The following ERBB4 variants were observed in gnomAD, a reference collection of about 807,000 sequenced individuals.
ERBB4 encodes the protein receptor tyrosine-protein kinase erbB-4.
In ERBB4, 42 loss-of-function variants were observed where a neutral mutation model predicts 158.0. The ratio of observed to expected loss-of-function variants is 0.27; its 90% CI spans 0.21 to 0.34. ERBB4 has a LOEUF of 0.34. Ranked by LOEUF, ERBB4 falls within the 10% of genes least tolerant of loss-of-function variation. The probability of loss-of-function intolerance (pLI) is 1.00; values close to 1 mark genes in which losing one functional copy is unlikely to be tolerated. For synonymous variants in ERBB4, 583 were observed against 558.7 expected, an observed-to-expected ratio of 1.04 and a Z score of -0.61; for missense variants, 1,333 against 1,624.1, an observed-to-expected ratio of 0.82 and a Z score of 3.08.
chr2:212,160,645 T>A (rs954932920), intron 1 of ERBB4, among the ~76,000 whole-genome samples: 34 of 152,044 alleles, frequency 2.2e-4, no homozygotes, highest in African/African-American at 8.0e-4. Context: ...AAGAGGGATG[T>A]GCATCCAATG....
intron 3 of ERBB4, among the ~76,000 whole-genome samples, chr2:211,798,691 A>C (rs899269477): frequency 6.6e-6 from 1 of 152,182 alleles, no homozygotes; most frequent in Non-Finnish European, 1.5e-5. Context: ...AATGATGACC[A>C]AATGAAAACC....
chr2:211,713,337 T>C (rs2073775700), intron 8 of ERBB4, among the ~76,000 whole-genome samples, 198 bp downstream of exon 8: 1 of 152,140 alleles, frequency 6.6e-6, no homozygotes, highest in Non-Finnish European at 1.5e-5. Context: ...GCCATTTTAG[T>C]AGATAAAATT....
chr2:212,373,187 G>T (rs1308737882), intron 1 of ERBB4, among the ~76,000 whole-genome samples: 2 of 152,010 alleles, frequency 1.3e-5, no homozygotes, highest in African/African-American at 4.8e-5. Context: ...ATTAAAATAA[G>T]CCCAAGAAAG....
At chr2:211,808,462 C>G (rs932231047) in intron 3 of ERBB4, among the ~76,000 whole-genome samples, 4 of 151,956 alleles carry the variant, frequency 2.6e-5, no homozygotes, top group African/African-American at 9.7e-5. Flanking sequence ...ATTTCTGAGG[C>G]CTCTGTTCTG....
intron 3 of ERBB4, among the ~76,000 whole-genome samples, chr2:211,944,156 T>TATGTACACTATAC (rs2080590609): frequency 8.2e-6 from 1 of 122,382 alleles, no homozygotes; most frequent in African/African-American, 3.1e-5. Flanking sequence ...ATACACTATA[T>TATGTACACTATAC]ATATACACTA....
intron 20 of ERBB4, among the ~76,000 whole-genome samples, chr2:211,536,260 AC>A (rs763031112): frequency 4.1e-4 from 63 of 152,228 alleles, no homozygotes; most frequent in Admixed American, 1.2e-3. Context: ...GAAATTACAC[AC>A]CTTCCACACC....
chr2:212,248,506 G>C (rs1395442221), intron 1 of ERBB4, among the ~76,000 whole-genome samples: 1 of 152,090 alleles, frequency 6.6e-6, no homozygotes, highest in Non-Finnish European at 1.5e-5. Context: ...TGCTGTATAT[G>C]ATTCTTAACT....
At chr2:211,510,240 T>C (rs943329515) in intron 20 of ERBB4, among the ~76,000 whole-genome samples, 1 of 152,138 alleles carries the variant, frequency 6.6e-6, no homozygotes, top group Admixed American at 6.5e-5. Context: ...ATGTTCTCAC[T>C]TATAAGTGGC....
At chr2:211,880,345 G>C (rs530986631) in intron 3 of ERBB4, among the ~76,000 whole-genome samples, 12 of 152,250 alleles carry the variant, frequency 7.9e-5, no homozygotes, top group Non-Finnish European at 1.8e-4. Flanking sequence ...TTATAGTAAT[G>C]TGTGTATATA....
rs1026194301 is a variant in ERBB4, at chr2:211,573,338, T to C, written c.2302-11250A>G. On this transcript the variant is annotated intron_variant, in intron 19 of 27. Coordinates refer to ENST00000342788, the MANE Select transcript of ERBB4 (RefSeq NM_005235.3). ...TCTAGCCCCCAGAACTGTGATATAA[T>C]ATATTTCTGTTATTGTAAGTCACCA... 3.0e-4 allele frequency among the ~76,000 whole-genome samples: 46 copies of C among 152,254 alleles called. 1 individual carries two copies. The highest frequency in any genetic ancestry group is 1.1e-3 in the African/African-American group (45 of 41,564).
chr2:212,387,287 T>G (rs958787082), intron 1 of ERBB4, among the ~76,000 whole-genome samples: 4 of 152,092 alleles, frequency 2.6e-5, no homozygotes, highest in Admixed American at 2.6e-4. Context: ...ATATCAAGCA[T>G]AGTTTTAAAG....
intron 2 of ERBB4, among the ~76,000 whole-genome samples, chr2:212,041,959 G>A (rs747522287): frequency 9.9e-5 from 15 of 151,992 alleles, no homozygotes; most frequent in South Asian, 2.1e-4. Flanking sequence ...TTATAATACC[G>A]TATAATTAGC....
chr2:212,328,034 A>G (rs1201744253), intron 1 of ERBB4, among the ~76,000 whole-genome samples: 1 of 151,250 alleles, frequency 6.6e-6, no homozygotes, highest in Admixed American at 6.6e-5. Flanking sequence ...AACTTTAAAA[A>G]AAAAAAAAGT....
chr2:211,853,788 T>C (rs1165405519), intron 3 of ERBB4, among the ~76,000 whole-genome samples: 1 of 152,054 alleles, frequency 6.6e-6, no homozygotes, highest in African/African-American at 2.4e-5. Context: ...ATAATCCAAT[T>C]AGTTACATTT....
chr2:211,907,921 C>T (rs967693537), intron 3 of ERBB4, among the ~76,000 whole-genome samples: 1 of 151,726 alleles, frequency 6.6e-6, no homozygotes, highest in Non-Finnish European at 1.5e-5. Flanking sequence ...AGTTATACAG[C>T]ATGTTTTATC....
chr2:211,984,601 C>T (rs2081891099), intron 2 of ERBB4, among the ~76,000 whole-genome samples: 1 of 151,736 alleles, frequency 6.6e-6, no homozygotes, highest in Admixed American at 6.6e-5. Flanking sequence ...ATTGTGTCCT[C>T]AATGCCTAGT....
intron 1 of ERBB4, among the ~76,000 whole-genome samples, chr2:212,246,090 A>C (rs1409333353): frequency 6.6e-6 from 1 of 152,164 alleles, no homozygotes; most frequent in Admixed American, 6.6e-5. Context: ...GCTGTCTCCA[A>C]GAGCTCTGTA....
chr2:211,532,937 A>C (rs2125666746), intron 20 of ERBB4, among the ~76,000 whole-genome samples: 1 of 151,928 alleles, frequency 6.6e-6, no homozygotes. Context: ...GTTATTTACA[A>C]ATGTAAATAT....
intron 1 of ERBB4, among the ~76,000 whole-genome samples, chr2:212,418,310 T>C (rs536168020): frequency 1.3e-5 from 2 of 152,048 alleles, no homozygotes; most frequent in South Asian, 2.1e-4. Flanking sequence ...CTTGGTAATT[T>C]CCAGTCTAAT....
Sources: allele counts gnomAD v4.1 joint callset (sites outside exome capture counted in the v4.1 genomes callset), GRCh38; gene constraint gnomAD v4.1.1; transcripts MANE v1.5; gene names NCBI Gene and HGNC (gene_info 2026-07-23, HGNC 2026-07-21).